The following CC2D2B variants were observed in gnomAD, a reference collection of about 807,000 sequenced individuals.
CC2D2B encodes protein CC2D2B.
In CC2D2B, 128 loss-of-function variants were observed where a neutral mutation model predicts 161.2. The observed-to-expected ratio is 0.79, with a 90% confidence interval of 0.69 to 0.92. The LOEUF is 0.92. Among genes scored for constraint, CC2D2B ranks in the 40% least tolerant of loss-of-function variants. The pLI, the probability that CC2D2B is intolerant of heterozygous loss-of-function variation, is 0.00. For synonymous variants in CC2D2B, 391 were observed against 449.8 expected, an observed-to-expected ratio of 0.87 and a Z score of 1.65; for missense variants, 1,173 against 1,375.1, an observed-to-expected ratio of 0.85 and a Z score of 2.32.
At chr10:95,964,702 T>C (rs536526604) in intron 12 of CC2D2B, among the ~76,000 whole-genome samples, 3 of 152,252 alleles carry the variant, frequency 2.0e-5, no homozygotes, top group African/African-American at 7.2e-5. Flanking sequence ...CAGCCCAAGA[T>C]ACTACCATAT....
intron 25 of CC2D2B, among the ~76,000 whole-genome samples, 192 bp from the exon 26 acceptor site, chr10:96,009,633 C>G (rs2078901062): frequency 6.6e-6 from 1 of 152,148 alleles, no homozygotes; most frequent in Admixed American, 6.5e-5. Context: ...AATTTTCTCT[C>G]AGACTATTAT....
At chr10:96,027,793 T>A (rs1214061441) in intron 34 of CC2D2B, among the ~76,000 whole-genome samples, 1 of 152,108 alleles carries the variant, frequency 6.6e-6, no homozygotes, top group African/African-American at 2.4e-5. Flanking sequence ...CATTAAAACA[T>A]AGACCAATGG....
intron 23 of CC2D2B, 33 bp downstream of exon 23, chr10:95,995,398 T>C (rs1564651824): frequency 9.8e-7 from 1 of 1,025,420 alleles, no homozygotes; most frequent in East Asian, 2.8e-5. Flanking sequence ...AAGTATAATA[T>C]TGATTATGTT....
At chr10:95,941,498 A>T (rs1160801868) in intron 9 of CC2D2B, among the ~76,000 whole-genome samples, 1 of 152,146 alleles carries the variant, frequency 6.6e-6, no homozygotes, top group Non-Finnish European at 1.5e-5. Flanking sequence ...CTCAGTAACA[A>T]ATTAAAAAAT....
chr10:95,939,024 A>G (rs2075927905), intron 9 of CC2D2B, 99 bp downstream of exon 9: 2 of 549,740 alleles, frequency 3.6e-6, no homozygotes, highest in South Asian at 6.0e-5. Context: ...TAAAGATACT[A>G]AGTCTACTAA....
chr10:95,961,695 A>T (rs1369249534), intron 11 of CC2D2B, 134 bp from the exon 12 acceptor site: 3 of 414,574 alleles, frequency 7.2e-6, no homozygotes, highest in African/African-American at 6.2e-5. Flanking sequence ...TGGCGTTCAG[A>T]TGTGTATAAA....
rs2141607272 is a variant in CC2D2B, at chr10:95,983,804, T to G, written c.2281T>G (p.Phe761Val). The change falls in exon 19 of 35, where the codon TTC becomes GTC. Residue 761 changes from phenylalanine to valine, a missense_variant. By Grantham distance (50) the Phe-to-Val change is conservative. Coordinates refer to ENST00000646931, the MANE Select transcript of CC2D2B (RefSeq NM_001349008.3). ...TGATACAGAGATTCCAGATTTAGTC[T>G]TCCAGGTATTTGGTTTCTATTTGAA... Reference protein sequence around the residue: ...LHDTEIPDLVFQEYESQKEKE... With the variant: ...LHDTEIPDLVVQEYESQKEKE... 8.2e-7 allele frequency: 1 copy of G among 1,218,516 alleles called. No homozygotes were observed. Among genetic ancestry groups the G allele is most frequent in the East Asian group, 3.2e-5 (1 of 31,556 alleles). 75.5% of individuals were successfully genotyped at this position (1,218,516 alleles called of 1,614,324 possible). A position where few individuals can be genotyped will look rare whatever the true frequency, so the allele number is the denominator to read the frequency against.
At chr10:95,982,184 T>A in intron 18 of CC2D2B, 71 bp downstream of exon 18, 3 of 1,033,264 alleles carry the variant, frequency 2.9e-6, no homozygotes, top group Non-Finnish European at 3.7e-6. Flanking sequence ...AAGTATAGTT[T>A]CCCCCATAGT....
chr10:96,013,393 G>A (rs1269500086), intron 28 of CC2D2B, among the ~76,000 whole-genome samples: 1 of 150,262 alleles, frequency 6.7e-6, no homozygotes, highest in Non-Finnish European at 1.5e-5. Flanking sequence ...AAAAACCTTT[G>A]CTATTCTTCA....
intron 2 of CC2D2B, among the ~76,000 whole-genome samples, chr10:95,912,569 G>C (rs1362541530): frequency 6.6e-6 from 1 of 152,122 alleles, no homozygotes; most frequent in Non-Finnish European, 1.5e-5. Flanking sequence ...GAAGGGTAGA[G>C]GGCAAGGATA....
chr10:96,006,157 C>T (rs1364767331), intron 25 of CC2D2B, among the ~76,000 whole-genome samples: 1 of 151,514 alleles, frequency 6.6e-6, no homozygotes, highest in Non-Finnish European at 1.5e-5. Context: ...CCCTATTCCT[C>T]CAGGACTACA....
chr10:95,911,167 T>C (rs566982693), intron 1 of CC2D2B, 134 bp from the exon 2 acceptor site: 1 of 190,306 alleles, frequency 5.3e-6, no homozygotes, highest in South Asian at 1.9e-4. Context: ...AAATATGAAA[T>C]AGTAAAAGTG....
chr10:95,974,827 C>T (rs183289551), intron 17 of CC2D2B, among the ~76,000 whole-genome samples: 1 of 152,152 alleles, frequency 6.6e-6, no homozygotes, highest in Admixed American at 6.5e-5. Flanking sequence ...CAGTGGTTGC[C>T]AGAGGTTCTA....
intron 3 of CC2D2B, among the ~76,000 whole-genome samples, chr10:95,923,268 T>TGTGTGA (rs1467370913): frequency 8.6e-5 from 13 of 150,900 alleles, no homozygotes; most frequent in African/African-American, 3.2e-4. Flanking sequence ...TGTGTGTGTG[T>TGTGTGA]GGAGACAGGG....
chr10:96,018,066 A>G (rs2079282742), intron 30 of CC2D2B, among the ~76,000 whole-genome samples: 1 of 152,190 alleles, frequency 6.6e-6, no homozygotes, highest in East Asian at 1.9e-4. Flanking sequence ...CAAGGCTCTT[A>G]ACCTCTGATT....
At chr10:96,018,968 T>TAA in intron 30 of CC2D2B, 1 of 335,280 alleles carries the variant, frequency 3.0e-6, no homozygotes, top group Non-Finnish European at 5.4e-6. Flanking sequence ...CCCAGCAAAT[T>TAA]AAAAAAAAAA....
At chr10:96,015,893 G>A (rs1034716605) in intron 29 of CC2D2B, among the ~76,000 whole-genome samples, 4 of 152,100 alleles carry the variant, frequency 2.6e-5, no homozygotes, top group Non-Finnish European at 5.9e-5. Flanking sequence ...CTTGCCCAGG[G>A]CACTTTAATA....
chr10:96,012,725 C>T lies in CC2D2B; in HGVS notation c.3422C>T (p.Thr1141Ile). The T allele has an allele frequency of 6.4e-7, 1 of 1,556,042 alleles. No homozygotes were observed. Among genetic ancestry groups the T allele is most frequent in the Non-Finnish European group, 8.9e-7 (1 of 1,127,740 alleles). The change falls in exon 28 of 35, where the codon ACA (threonine) becomes ATA (isoleucine). Residue 1141 changes from threonine (T) to isoleucine (I), a missense_variant. Physicochemically the swap from Thr to Ile is moderately conservative, Grantham distance 89. Transcript: ENST00000646931. ...ATATTTCTTCACAATTCTAATGCAA[C>T]ATTTGTAAGTTATTATTATTTTTAA... is the stretch of plus-strand genomic sequence containing the variant. ...LDIFLHNSNA[T>I]FDLIARFVSL...
chr10:95,974,247 C>A, intron 17 of CC2D2B, 91 bp downstream of exon 17: 3 of 626,570 alleles, frequency 4.8e-6, no homozygotes, highest in Non-Finnish European at 6.9e-6. Context: ...ACTTGAGCAG[C>A]AATAGGAAGA....
Sources: allele counts gnomAD v4.1 joint callset (sites outside exome capture counted in the v4.1 genomes callset), GRCh38; gene constraint gnomAD v4.1.1; transcripts MANE v1.5; gene names NCBI Gene and HGNC (gene_info 2026-07-23, HGNC 2026-07-21).